GRID1: variants seen among roughly 807,000 people sequenced by gnomAD.
The protein encoded by GRID1 is glutamate ionotropic receptor delta type subunit 1, also known as glutamate receptor ionotropic, delta-1.
A neutral mutation model predicts 98.0 loss-of-function variants in GRID1; 28 were observed. The observed-to-expected ratio is 0.29, with a 90% CI of 0.21 to 0.39. The LOEUF is 0.39. Among genes scored for constraint, GRID1 ranks in the 10% least tolerant of loss-of-function variants. The pLI, the probability that GRID1 is intolerant of heterozygous loss-of-function variation, is 1.00. For missense variants in GRID1, 1,111 were observed against 1,340.5 expected (o/e 0.83, Z 2.67); for synonymous variants, 553 against 538.5 (o/e 1.03, Z -0.37).
intron 6 of GRID1, among the ~76,000 whole-genome samples, chr10:85,868,190 A>G (rs191193960): frequency 6.6e-6 from 1 of 152,226 alleles, no homozygotes; most frequent in African/African-American, 2.4e-5. Context: ...AATTTCCACA[A>G]ACCCAAGTGG....
chr10:86,007,414 A>C (rs370226182), intron 4 of GRID1, among the ~76,000 whole-genome samples: 29 of 152,124 alleles, frequency 1.9e-4, no homozygotes, highest in African/African-American at 7.0e-4. Flanking sequence ...CCCCACCTCC[A>C]ATATTGCTGC....
At chr10:86,199,730 ACCTCTAG>A (rs1845922159) in intron 3 of GRID1, among the ~76,000 whole-genome samples, 1 of 152,072 alleles carries the variant, frequency 6.6e-6, no homozygotes, top group Admixed American at 6.5e-5. Flanking sequence ...TTCGGGTCCT[ACCTCTAG>A]CTTAGACTCT....
intron 3 of GRID1, among the ~76,000 whole-genome samples, chr10:86,173,799 C>T (rs955107104): frequency 7.1e-6 from 1 of 140,578 alleles, no homozygotes; most frequent in African/African-American, 2.6e-5. Context: ...TTGTTCAATT[C>T]CCACCTATGA....
intron 4 of GRID1, among the ~76,000 whole-genome samples, chr10:85,941,026 T>A (rs1243084037): frequency 6.6e-6 from 1 of 152,190 alleles, no homozygotes; most frequent in South Asian, 2.1e-4. Flanking sequence ...TGGAGAAGAA[T>A]TGTATGTATT....
At chr10:86,025,478 G>A (rs541819216) in intron 4 of GRID1, among the ~76,000 whole-genome samples, 7 of 152,248 alleles carry the variant, frequency 4.6e-5, no homozygotes, top group African/African-American at 1.2e-4. Context: ...GCTTTCCTAC[G>A]ATAGTAGTCA....
intron 12 of GRID1, among the ~76,000 whole-genome samples, chr10:85,700,232 A>C (rs1015983562): frequency 6.6e-6 from 1 of 152,210 alleles, no homozygotes. Flanking sequence ...CCTGTGAGAT[A>C]GTTGCTATTC....
chr10:86,078,449 C>T (rs754164484), intron 4 of GRID1, among the ~76,000 whole-genome samples: 6 of 152,218 alleles, frequency 3.9e-5, no homozygotes, highest in Non-Finnish European at 7.3e-5. Flanking sequence ...ACGGGTGCTC[C>T]GCGGCCTGCA....
chr10:85,839,691 C>T (rs940105162), intron 8 of GRID1, among the ~76,000 whole-genome samples: 1 of 151,924 alleles, frequency 6.6e-6, no homozygotes. Context: ...AGTTAACAAC[C>T]TAACATCACA....
intron 8 of GRID1, among the ~76,000 whole-genome samples, chr10:85,782,340 A>G (rs993554261): frequency 6.6e-5 from 10 of 152,218 alleles, no homozygotes; most frequent in Non-Finnish European, 1.5e-4. Flanking sequence ...AGATCTCTGT[A>G]GGACGGGCAG....
At chr10:85,966,107 A>G (rs1215483276) in intron 4 of GRID1, among the ~76,000 whole-genome samples, 1 of 152,222 alleles carries the variant, frequency 6.6e-6, no homozygotes, top group Non-Finnish European at 1.5e-5. Context: ...CCTTATGCAC[A>G]CGGTGTTGTC....
chr10:86,186,915 A>G (rs1371812270), intron 3 of GRID1, among the ~76,000 whole-genome samples: 1 of 152,198 alleles, frequency 6.6e-6, no homozygotes, highest in African/African-American at 2.4e-5. Flanking sequence ...TGAGGTAGAG[A>G]GACTAACTCC....
At chr10:86,198,326 T>C (rs998469994) in intron 3 of GRID1, among the ~76,000 whole-genome samples, 3 of 152,044 alleles carry the variant, frequency 2.0e-5, no homozygotes, top group Non-Finnish European at 4.4e-5. Flanking sequence ...GTGAAAGAGC[T>C]GACCCCCAAG....
chr10:86,135,793 G>C (rs1844915522), intron 4 of GRID1, among the ~76,000 whole-genome samples: 2 of 152,244 alleles, frequency 1.3e-5, no homozygotes, highest in Admixed American at 6.5e-5. Context: ...CAGGCCAACA[G>C]CCACCTTCAG....
chr10:85,921,254 C>T (rs1841699312), intron 4 of GRID1, among the ~76,000 whole-genome samples: 1 of 152,202 alleles, frequency 6.6e-6, no homozygotes, highest in Non-Finnish European at 1.5e-5. Flanking sequence ...CACATCTTGA[C>T]ACCCACATTC....
chr10:86,179,081 G>C (rs1419888053), intron 3 of GRID1, among the ~76,000 whole-genome samples: 1 of 152,086 alleles, frequency 6.6e-6, no homozygotes, highest in Non-Finnish European at 1.5e-5. Context: ...GACCAAAGGT[G>C]TTTCCAGGCT....
At chr10:86,313,257 G>A (rs1158869854) in intron 2 of GRID1, among the ~76,000 whole-genome samples, 8 of 152,218 alleles carry the variant, frequency 5.3e-5, no homozygotes, top group Admixed American at 3.9e-4. Flanking sequence ...TCATTACCCA[G>A]CACTAACCAT....
At chr10:86,178,351 C>T (rs539402951) in intron 3 of GRID1, among the ~76,000 whole-genome samples, 9 of 152,198 alleles carry the variant, frequency 5.9e-5, no homozygotes, top group Non-Finnish European at 8.8e-5. Context: ...CACACAAAAG[C>T]GGGAGCAGTG....
intron 4 of GRID1, among the ~76,000 whole-genome samples, chr10:85,931,987 C>G (rs1423060577): frequency 6.6e-6 from 1 of 152,186 alleles, no homozygotes; most frequent in African/African-American, 2.4e-5. Flanking sequence ...ATCCTGGGAG[C>G]AGGTCAGAAG....
rs867597605 is a variant in GRID1 at position 85,865,912 on chromosome 10, C to T, written c.951+3098G>A. ...TTTAATAAAGTGTTTTACATATATA[C>T]ATATATATATATATATATATATATA... On this transcript the variant is annotated intron_variant, in intron 6 of 15. Coordinates refer to ENST00000327946, the MANE Select transcript of GRID1 (RefSeq NM_017551.3). Among the ~76,000 whole-genome samples, 368 of 82,938 alleles carry T rather than the reference C, an allele frequency of 4.4e-3. 2 individuals carry two copies. The highest frequency in any genetic ancestry group is 0.015 in the African/African-American group (260 of 17,930). 54.4% of individuals were successfully genotyped at this position (82,938 alleles called of 152,430 possible).
Sources: allele counts gnomAD v4.1 joint callset (sites outside exome capture counted in the v4.1 genomes callset), GRCh38; gene constraint gnomAD v4.1.1; transcripts MANE v1.5; gene names NCBI Gene and HGNC (gene_info 2026-07-23, HGNC 2026-07-21).